Variants in SNX18 observed in about 807,000 individuals in gnomAD.
SNX18 encodes the protein sorting nexin-18.
A neutral mutation model predicts 48.7 loss-of-function variants in SNX18; 35 were observed. That is an observed-to-expected ratio of 0.72 (90% confidence interval 0.55 to 0.95). The LOEUF is 0.95. SNX18 is among the 40% of genes least tolerant of loss of function. SNX18 has a pLI of 0.00. For synonymous variants in SNX18, 492 were observed against 384.7 expected, an observed-to-expected ratio of 1.28 and a Z score of -3.26; for missense variants, 824 against 871.0, an observed-to-expected ratio of 0.95 and a Z score of 0.68.
At chr5:54,530,712 C>T (rs1226718561) in intron 1 of SNX18, among the ~76,000 whole-genome samples, 2 of 145,512 alleles carry the variant, frequency 1.4e-5, no homozygotes, top group Non-Finnish European at 3.0e-5. Flanking sequence ...TCTTCTTATA[C>T]CCATTTTGCA....
intron 1 of SNX18, among the ~76,000 whole-genome samples, chr5:54,523,401 C>G (rs2910806): frequency 0.52 from 79,272 of 151,906 alleles, 20,904 homozygotes; most frequent in Non-Finnish European, 0.55. Context: ...TTACCTCTTG[C>G]GACTATTGCT....
chr5:54,646,252 A>G, the SNX18 span, among the ~76,000 whole-genome samples: 1 of 152,226 alleles, frequency 6.6e-6, no homozygotes, highest in South Asian at 2.1e-4. Context: ...CTCTCTCCCC[A>G]AGAGATATGG....
the SNX18 span, among the ~76,000 whole-genome samples, chr5:54,568,698 G>T: frequency 6.6e-6 from 1 of 152,198 alleles, no homozygotes; most frequent in East Asian, 1.9e-4. Context: ...GGCTTATTTA[G>T]CTAAAATGAG....
chr5:54,550,597 A>T (rs1762635060), downstream of SNX18, among the ~76,000 whole-genome samples: 1 of 152,144 alleles, frequency 6.6e-6, no homozygotes, highest in Non-Finnish European at 1.5e-5. Context: ...GATTATTATT[A>T]TTTTTAGATG....
At chr5:54,603,873 A>G in the SNX18 span, among the ~76,000 whole-genome samples, 1 of 152,360 alleles carries the variant, frequency 6.6e-6, no homozygotes, top group Admixed American at 6.5e-5. Flanking sequence ...GCTAAATGCT[A>G]TGGTTACACA....
chr5:54,573,413 C>G, the SNX18 span, among the ~76,000 whole-genome samples: 2 of 152,144 alleles, frequency 1.3e-5, no homozygotes, highest in Non-Finnish European at 2.9e-5. Context: ...GACCCCTTTC[C>G]TGTAACAAGC....
chr5:54,611,866 C>T, the SNX18 span, among the ~76,000 whole-genome samples: 1 of 124,160 alleles, frequency 8.1e-6, no homozygotes. Flanking sequence ...GAATTTTCTT[C>T]TTCTTCTTCT....
chr5:54,582,363 C>T, the SNX18 span, among the ~76,000 whole-genome samples: 4 of 152,130 alleles, frequency 2.6e-5, no homozygotes, highest in Non-Finnish European at 4.4e-5. Flanking sequence ...CATAAGACAT[C>T]CCATGAGCAT....
the SNX18 span, among the ~76,000 whole-genome samples, chr5:54,579,618 G>A: frequency 6.6e-6 from 1 of 152,180 alleles, no homozygotes; most frequent in Non-Finnish European, 1.5e-5. Context: ...CAAATGTAAG[G>A]GGATGTGAGA....
At chr5:54,548,974 CA>C (rs1762614271), downstream of SNX18, among the ~76,000 whole-genome samples, 1 of 152,358 alleles carries the variant, frequency 6.6e-6, no homozygotes, top group East Asian at 1.9e-4. Context: ...TATTCCTTGC[CA>C]TGCCTAATAC....
chr5:54,617,507 C>T, the SNX18 span, among the ~76,000 whole-genome samples: 3 of 152,142 alleles, frequency 2.0e-5, no homozygotes, highest in East Asian at 3.8e-4. Context: ...AGTGGCATTA[C>T]TAAAGATGTC....
At chr5:54,560,530 C>G in the SNX18 span, among the ~76,000 whole-genome samples, 20 of 152,094 alleles carry the variant, frequency 1.3e-4, no homozygotes, top group Admixed American at 6.5e-5. Flanking sequence ...GGGTACTAGG[C>G]TTAATACCTG....
chr5:54,525,600 C>T (rs1762116013), intron 1 of SNX18, among the ~76,000 whole-genome samples: 3 of 152,098 alleles, frequency 2.0e-5, no homozygotes, highest in South Asian at 4.1e-4. Flanking sequence ...TGGAGTCAAT[C>T]GTTTGTTGTT....
the SNX18 span, among the ~76,000 whole-genome samples, chr5:54,642,553 G>T: frequency 2.0e-5 from 3 of 152,168 alleles, no homozygotes; most frequent in South Asian, 6.2e-4. Flanking sequence ...GCAGTGAGCT[G>T]ATGTTCAGGC....
intron 1 of SNX18, among the ~76,000 whole-genome samples, chr5:54,528,021 G>A (rs1023531921): frequency 6.6e-6 from 1 of 152,014 alleles, no homozygotes; most frequent in Non-Finnish European, 1.5e-5. Context: ...ATAATTCATT[G>A]GGGAGGGGAG....
the SNX18 span, among the ~76,000 whole-genome samples, chr5:54,559,534 C>G: frequency 6.6e-6 from 1 of 152,126 alleles, no homozygotes; most frequent in African/African-American, 2.4e-5. Flanking sequence ...CAGATTGAAA[C>G]TGGACGCCTT....
chr5:54,554,858 T>C, the SNX18 span, among the ~76,000 whole-genome samples: 1 of 151,982 alleles, frequency 6.6e-6, no homozygotes, highest in Non-Finnish European at 1.5e-5. Flanking sequence ...TATATCGGGG[T>C]CTTCCTTTTT....
the SNX18 span, among the ~76,000 whole-genome samples, chr5:54,616,498 C>G: frequency 2.0e-5 from 3 of 152,164 alleles, no homozygotes; most frequent in Non-Finnish European, 1.5e-5. Flanking sequence ...CTTGGCCAGG[C>G]ACGGTGGCTC....
At chr5:54,641,768 T>C in the SNX18 span, among the ~76,000 whole-genome samples, 1 of 152,190 alleles carries the variant, frequency 6.6e-6, no homozygotes, top group Non-Finnish European at 1.5e-5. Flanking sequence ...CCTTAGCCCC[T>C]TGTAAAATCA....
Sources: allele counts gnomAD v4.1 joint callset (sites outside exome capture counted in the v4.1 genomes callset), GRCh38; gene constraint gnomAD v4.1.1; transcripts MANE v1.5; gene names NCBI Gene and HGNC (gene_info 2026-07-23, HGNC 2026-07-21).